Variants in APLF observed in about 807,000 individuals in gnomAD.
APLF encodes the protein aprataxin and PNK-like factor.
APLF carries 61 observed loss-of-function variants against 55.6 expected under a neutral mutation model. The observed-to-expected ratio is 1.10, with a 90% confidence interval of 0.89 to 1.36. The LOEUF (loss-of-function observed/expected upper bound fraction) is 1.36. APLF is among the 40% of genes most tolerant of loss of function. The pLI, the probability that APLF is intolerant of heterozygous loss-of-function variation, is 0.00. For synonymous variants in APLF, 207 were observed against 214.8 expected, an observed-to-expected ratio of 0.96 and a Z score of 0.32; for missense variants, 611 against 602.5, an observed-to-expected ratio of 1.01 and a Z score of -0.15.
intron 6 of APLF, among the ~76,000 whole-genome samples, chr2:68,533,769 G>A (rs2103997490): frequency 6.6e-6 from 1 of 152,268 alleles, no homozygotes; most frequent in South Asian, 2.1e-4. Flanking sequence ...AGAGAGTGAT[G>A]TCAAAGCTGT....
intron 1 of APLF, among the ~76,000 whole-genome samples, chr2:68,476,738 A>G (rs917884389): frequency 3.7e-4 from 56 of 152,182 alleles, no homozygotes; most frequent in African/African-American, 1.3e-3. Flanking sequence ...ACAACCTTCC[A>G]GTGGCTTACT....
At chr2:68,520,257 C>T (rs541526331) in intron 5 of APLF, among the ~76,000 whole-genome samples, 1 of 152,118 alleles carries the variant, frequency 6.6e-6, no homozygotes, top group South Asian at 2.1e-4. Context: ...TTCTCCCACT[C>T]TGTGAGTTGT....
intron 2 of APLF, among the ~76,000 whole-genome samples, chr2:68,493,453 A>G (rs1346027010): frequency 6.6e-6 from 1 of 152,232 alleles, no homozygotes; most frequent in African/African-American, 2.4e-5. Context: ...AGAGTAGGGA[A>G]GGGTTTTTAA....
chr2:68,568,265 C>T (rs1320797743), intron 9 of APLF: 1 of 985,258 alleles, frequency 1.0e-6, no homozygotes, highest in Non-Finnish European at 1.2e-6. Context: ...TATTTCTGCT[C>T]ACAGAATGAG....
At chr2:68,564,868 G>A (rs1253574487) in intron 8 of APLF, among the ~76,000 whole-genome samples, 2 of 152,084 alleles carry the variant, frequency 1.3e-5, no homozygotes, top group Non-Finnish European at 2.9e-5. Context: ...ATTAATCTTG[G>A]CTGAGGAGAG....
At chr2:68,515,158 C>T (rs890095222) in intron 5 of APLF, among the ~76,000 whole-genome samples, 1 of 151,612 alleles carries the variant, frequency 6.6e-6, no homozygotes, top group Non-Finnish European at 1.5e-5. Context: ...GGGAAAAGTG[C>T]ACTATACTTT....
chr2:68,487,444 A>T (rs1676219986), intron 1 of APLF, among the ~76,000 whole-genome samples: 1 of 151,996 alleles, frequency 6.6e-6, no homozygotes, highest in Admixed American at 6.6e-5. Context: ...AGTTGCTTAA[A>T]CTCTCTGTAC....
At chr2:68,543,728 T>G (rs1670621806) in intron 7 of APLF, among the ~76,000 whole-genome samples, 3 of 152,126 alleles carry the variant, frequency 2.0e-5, no homozygotes, top group African/African-American at 4.8e-5. Context: ...TATAATACCA[T>G]CATCAAATGG....
intron 5 of APLF, among the ~76,000 whole-genome samples, chr2:68,519,766 T>C (rs1669839606): frequency 6.6e-6 from 1 of 151,722 alleles, no homozygotes; most frequent in African/African-American, 2.4e-5. Context: ...CGAATTGTGC[T>C]GCTATAAACA....
chr2:68,538,187 G>C lies in APLF; in HGVS notation c.1120G>C (p.Val374Leu). 6.2e-7 allele frequency: 1 copy of C among 1,612,022 alleles called. No homozygotes were observed. Among genetic ancestry groups the C allele is most frequent in the Non-Finnish European group, 8.5e-7 (1 of 1,179,396 alleles). The change falls in exon 7 of 10, where the codon GTC (valine) becomes CTC (leucine). Residue 374 changes from valine to leucine, a missense_variant. By Grantham distance (32) the Val-to-Leu change is conservative (BLOSUM62 1). Transcript: ENST00000303795. ...SVLQGSEGNKVKRTSCMYGAN... is the reference protein window; with the variant it reads ...SVLQGSEGNKLKRTSCMYGAN... Reference sequence around the variant, plus strand: ...TCTACAAGGTTCTGAAGGAAACAAGGTCAAGAGGACATCCTGCATGTATGG... The same window carrying C: ...TCTACAAGGTTCTGAAGGAAACAAGCTCAAGAGGACATCCTGCATGTATGG...
chr2:68,513,330 A>G (rs1669459792), intron 4 of APLF, 103 bp downstream of exon 4: 1 of 1,369,634 alleles, frequency 7.3e-7, no homozygotes, highest in Non-Finnish European at 9.8e-7. Context: ...TATTGCCAGC[A>G]TTTATCTACT....
chr2:68,562,358 T>C (rs1227240951), intron 8 of APLF, among the ~76,000 whole-genome samples: 1 of 152,060 alleles, frequency 6.6e-6, no homozygotes, highest in Admixed American at 6.6e-5. Context: ...GATGGACTGA[T>C]CTGTGAAAAA....
At chr2:68,499,515 G>A (rs142461871) in intron 2 of APLF, among the ~76,000 whole-genome samples, 1 of 152,138 alleles carries the variant, frequency 6.6e-6, no homozygotes, top group Admixed American at 6.6e-5. Flanking sequence ...AAATATTACA[G>A]GTCCAATTCA....
intron 1 of APLF, among the ~76,000 whole-genome samples, chr2:68,481,232 C>A (rs1029372528): frequency 6.6e-6 from 1 of 152,084 alleles, no homozygotes; most frequent in Non-Finnish European, 1.5e-5. Flanking sequence ...AGCAGTGAAG[C>A]CTTGTAGTAA....
At chr2:68,519,071 AATAAT>A (rs1271093975) in intron 5 of APLF, among the ~76,000 whole-genome samples, 14 of 126,864 alleles carry the variant, frequency 1.1e-4, no homozygotes, top group African/African-American at 3.2e-4. Flanking sequence ...AATATATAAT[AATAAT>A]ATAATATATA....
intron 5 of APLF, among the ~76,000 whole-genome samples, chr2:68,517,471 T>C (rs966215547): frequency 7.2e-6 from 1 of 138,248 alleles, no homozygotes; most frequent in African/African-American, 2.7e-5. Context: ...TATATCAATG[T>C]TATTACTATA....
At chr2:68,480,426 C>G (rs1195212524) in intron 1 of APLF, among the ~76,000 whole-genome samples, 7 of 151,948 alleles carry the variant, frequency 4.6e-5, no homozygotes, top group Non-Finnish European at 1.0e-4. Flanking sequence ...GCCTCAGCCT[C>G]CCGAGTAGCT....
intron 5 of APLF, among the ~76,000 whole-genome samples, chr2:68,522,675 AAAG>A (rs1669927115): frequency 6.6e-6 from 1 of 151,962 alleles, no homozygotes; most frequent in African/African-American, 2.4e-5. Context: ...CCAGGAAAAA[AAAG>A]AAGAATGAAA....
intron 5 of APLF, among the ~76,000 whole-genome samples, chr2:68,514,514 G>A (rs1055244809): frequency 1.3e-5 from 2 of 151,804 alleles, no homozygotes; most frequent in Admixed American, 6.6e-5. Context: ...CAGTGTCTAG[G>A]TAGTTCCTTC....
Sources: gnomAD v4.1 joint callset for allele counts (sites outside exome capture counted in the v4.1 genomes callset) on GRCh38, gnomAD v4.1.1 for gene constraint, MANE v1.5 for transcripts, NCBI Gene and HGNC (gene_info 2026-07-23, HGNC 2026-07-21) for gene names.